GPC6: variants seen among roughly 807,000 people sequenced by gnomAD.
GPC6 encodes glypican 6, also known as glypican-6.
In GPC6, 14 loss-of-function variants were observed where a neutral mutation model predicts 55.2. That is an observed-to-expected ratio of 0.25 (90% confidence interval 0.17 to 0.40). The LOEUF (loss-of-function observed/expected upper bound fraction) is 0.40. Among genes scored for constraint, GPC6 ranks in the 10% least tolerant of loss-of-function variants. GPC6 has a pLI of 1.00. For synonymous variants in GPC6, 278 were observed against 259.6 expected (o/e 1.07, Z -0.68); for missense variants, 641 against 708.5 (o/e 0.90, Z 1.08).
At chr13:94,001,703 C>A in intron 3 of GPC6, among the ~76,000 whole-genome samples, 1 of 152,096 alleles carries the variant, frequency 6.6e-6, no homozygotes, top group South Asian at 2.1e-4. Flanking sequence ...ATGTTACATA[C>A]GTGAATGAAA....
chr13:93,646,262 T>C (rs1484695829), intron 2 of GPC6, among the ~76,000 whole-genome samples: 2 of 152,156 alleles, frequency 1.3e-5, no homozygotes, highest in Non-Finnish European at 2.9e-5. Context: ...TGCTTGAATT[T>C]AGTCAAATTT....
chr13:93,488,243 G>C (rs1044659724), intron 1 of GPC6, among the ~76,000 whole-genome samples: 4 of 152,092 alleles, frequency 2.6e-5, no homozygotes, highest in African/African-American at 7.2e-5. Flanking sequence ...CCTTGCGATA[G>C]TTTGCTCATA....
intron 3 of GPC6, among the ~76,000 whole-genome samples, chr13:93,858,577 A>G (rs1456022391): frequency 6.6e-6 from 1 of 151,654 alleles, no homozygotes; most frequent in Non-Finnish European, 1.5e-5. Flanking sequence ...CGATTGAGGA[A>G]AAGAACCAAT....
chr13:94,162,409 T>G (rs1047084961), intron 4 of GPC6, among the ~76,000 whole-genome samples: 18 of 152,212 alleles, frequency 1.2e-4, no homozygotes, highest in African/African-American at 4.3e-4. Context: ...TCAGCTGCTT[T>G]GCAAGGATCC....
chr13:93,876,639 G>A (rs1889306201), intron 3 of GPC6, among the ~76,000 whole-genome samples: 1 of 151,914 alleles, frequency 6.6e-6, no homozygotes, highest in African/African-American at 2.4e-5. Context: ...TTGCCCAAAG[G>A]TAATTTTAAA....
At chr13:93,719,756 C>A (rs1350075070) in intron 2 of GPC6, among the ~76,000 whole-genome samples, 1 of 151,938 alleles carries the variant, frequency 6.6e-6, no homozygotes, top group Non-Finnish European at 1.5e-5. Flanking sequence ...GAGATACGAT[C>A]CATTGATACC....
intron 1 of GPC6, among the ~76,000 whole-genome samples, chr13:93,473,156 G>A (rs1879183805): frequency 6.6e-6 from 1 of 152,192 alleles, no homozygotes; most frequent in South Asian, 2.1e-4. Flanking sequence ...TGGCCTGAAG[G>A]TAGGGCCTCA....
chr13:93,498,218 A>G (rs1880383115), intron 1 of GPC6, among the ~76,000 whole-genome samples: 2 of 152,066 alleles, frequency 1.3e-5, no homozygotes, highest in South Asian at 2.1e-4. Flanking sequence ...ATGATCAAAT[A>G]TTGTCCAGCT....
intron 2 of GPC6, among the ~76,000 whole-genome samples, chr13:93,546,043 T>A (rs767682204): frequency 1.3e-5 from 2 of 152,242 alleles, no homozygotes; most frequent in African/African-American, 4.8e-5. Context: ...AATTTTCGCA[T>A]TAGAGCCTGA....
chr13:93,734,537 A>T (rs554682134), intron 2 of GPC6, among the ~76,000 whole-genome samples: 1 of 152,292 alleles, frequency 6.6e-6, no homozygotes, highest in Admixed American at 6.5e-5. Context: ...TTAATTTGGG[A>T]GTAAGAATTT....
intron 2 of GPC6, among the ~76,000 whole-genome samples, chr13:93,729,204 C>T (rs1347292729): frequency 6.6e-6 from 1 of 151,828 alleles, no homozygotes; most frequent in African/African-American, 2.4e-5. Context: ...TAACCTACAC[C>T]CAGAGGAAAA....
At chr13:93,318,902 C>T (rs76558551) in intron 1 of GPC6, among the ~76,000 whole-genome samples, 2 of 152,238 alleles carry the variant, frequency 1.3e-5, no homozygotes, top group East Asian at 3.9e-4. Flanking sequence ...CCTGCATGAA[C>T]AGACACTGAC....
intron 1 of GPC6, among the ~76,000 whole-genome samples, chr13:93,390,826 T>C (rs1875602257): frequency 6.6e-6 from 1 of 151,960 alleles, no homozygotes; most frequent in Non-Finnish European, 1.5e-5. Context: ...TTGGGGACAT[T>C]GGTGTCTTAG....
chr13:93,970,816 C>T (rs1175931858), intron 3 of GPC6, among the ~76,000 whole-genome samples: 1 of 152,094 alleles, frequency 6.6e-6, no homozygotes, highest in Non-Finnish European at 1.5e-5. Flanking sequence ...CAGAGTTTAG[C>T]CTCAAAGGAA....
At chr13:93,532,123 G>C (rs1427373977) in intron 1 of GPC6, among the ~76,000 whole-genome samples, 1 of 152,144 alleles carries the variant, frequency 6.6e-6, no homozygotes, top group Non-Finnish European at 1.5e-5. Flanking sequence ...CAGTGAATAC[G>C]AGGATATTTT....
chr13:93,469,607 G>C (rs1879037579), intron 1 of GPC6, among the ~76,000 whole-genome samples: 1 of 152,074 alleles, frequency 6.6e-6, no homozygotes, highest in Non-Finnish European at 1.5e-5. Flanking sequence ...ATTATGTTTG[G>C]ACTCATCAGC....
chr13:93,685,078 G>C (rs1447849986), intron 2 of GPC6, among the ~76,000 whole-genome samples: 2 of 152,130 alleles, frequency 1.3e-5, no homozygotes, highest in Non-Finnish European at 2.9e-5. Flanking sequence ...TTTTATTTAA[G>C]TCACTACCAC....
chr13:93,898,966 T>TATATATATATATATATATATATACACAC (rs1251225383), intron 3 of GPC6, among the ~76,000 whole-genome samples: 4 of 137,086 alleles, frequency 2.9e-5, no homozygotes, highest in African/African-American at 1.1e-4. Flanking sequence ...TATATATATA[T>TATATATATATATATATATATATACACAC]ACACACACAT....
At chr13:93,457,327 A>C (rs559658199) in intron 1 of GPC6, among the ~76,000 whole-genome samples, 1 of 152,238 alleles carries the variant, frequency 6.6e-6, no homozygotes, top group Non-Finnish European at 1.5e-5. Flanking sequence ...TACCCAACTA[A>C]TTACATTTGG....
Sources: gnomAD v4.1 joint callset for allele counts (sites outside exome capture counted in the v4.1 genomes callset) on GRCh38, gnomAD v4.1.1 for gene constraint, MANE v1.5 for transcripts, NCBI Gene and HGNC (gene_info 2026-07-23, HGNC 2026-07-21) for gene names.